Variants in KNDC1 observed in about 807,000 individuals in gnomAD.
KNDC1 encodes kinase non-catalytic C-lobe domain-containing protein 1.
Under a neutral mutation model 172.8 loss-of-function variants are expected in KNDC1, and 106 were observed. The ratio of observed to expected loss-of-function variants is 0.61; its 90% confidence interval spans 0.52 to 0.72. The LOEUF (loss-of-function observed/expected upper bound fraction) is 0.72, where lower values mean the gene tolerates loss of function less well. Among genes scored for constraint, KNDC1 ranks in the 30% least tolerant of loss-of-function variants. The pLI, the probability that KNDC1 is intolerant of heterozygous loss-of-function variation, is 0.00. For missense variants in KNDC1, 2,325 were observed against 2,394.5 expected (o/e 0.97, Z 0.61); for synonymous variants, 1,083 against 1,062.2 (o/e 1.02, Z -0.38).
chr10:133,166,331 G>A (rs931983084), intron 1 of KNDC1, among the ~76,000 whole-genome samples: 5 of 152,210 alleles, frequency 3.3e-5, no homozygotes, highest in South Asian at 2.1e-4. Context: ...TGCCCCGGCC[G>A]GGGAGCAGCA....
rs1231311854 is a variant in KNDC1 at position 133,163,402 on chromosome 10, G to C, written c.102+2833G>C. Among the ~76,000 whole-genome samples the C allele has an allele frequency of 6.6e-6, 1 of 152,112 alleles. No individual in the cohort carries two copies. The highest frequency in any genetic ancestry group is 1.5e-5 in the Non-Finnish European group (1 of 68,026). On this transcript the variant is annotated intron_variant, in intron 1 of 29. Transcript: ENST00000304613. The surrounding 1 kb of genome is among the most constrained non-coding windows in gnomAD (Gnocchi z 4.4). ...CTCCCTGGAGGGGCACACAGCTGGGGGCTCCCAGTAAAGAAGAGGACGTCC... is the reference window on the plus strand; with the variant it reads ...CTCCCTGGAGGGGCACACAGCTGGGCGCTCCCAGTAAAGAAGAGGACGTCC...
rs187169395 is a variant in KNDC1 at position 133,201,846 on chromosome 10, A to G, written c.3335A>G (p.Lys1112Arg). 4 of 1,484,862 alleles carry G rather than the reference A, an allele frequency of 2.7e-6. No homozygotes were observed. The East Asian group carries it at 7.2e-5, about 27-fold the overall frequency. 92.0% of individuals were successfully genotyped at this position (1,484,862 alleles called of 1,614,324 possible). Residue 1112 changes from lysine to arginine, a missense_variant, in exon 17 of 30, where the codon AAG (lysine) becomes AGG (arginine). Transcript: ENST00000304613. ...CFGADVHNYV[K>R]DLGRQQADGA... Reference sequence around the variant, plus strand: ...GGGGCCGACGTCCACAACTACGTGAAGGACCTGGGGCGGCAGCAGGCGGAC... The same window carrying G: ...GGGGCCGACGTCCACAACTACGTGAGGGACCTGGGGCGGCAGCAGGCGGAC...
In KNDC1 at chr10:133,188,535, A is replaced by G; in HGVS notation, c.1327-4A>G. On this transcript the variant is annotated splice_region_variant and splice_polypyrimidine_tract_variant and intron_variant, in intron 6 of 29. Transcript: ENST00000304613. ...CACTGACCTCGCCGCTCTCCTGCCCACAGTGGGTGTCCCTGCAGGACCTCC... is the reference window on the plus strand; with the variant it reads ...CACTGACCTCGCCGCTCTCCTGCCCGCAGTGGGTGTCCCTGCAGGACCTCC... 1 of 1,549,818 alleles carries G rather than the reference A, an allele frequency of 6.5e-7. No individual in the cohort carries two copies. The highest frequency in any genetic ancestry group is 8.7e-7 in the Non-Finnish European group (1 of 1,144,764).
At chr10:133,185,389 A>AGTGTGGAGTAGGCAGTGTGTG (rs1564883528) in intron 5 of KNDC1, among the ~76,000 whole-genome samples, 15 of 45,868 alleles carry the variant, frequency 3.3e-4, no homozygotes, top group Admixed American at 6.6e-4. Flanking sequence ...GGCAGTGTGT[A>AGTGTGGAGTAGGCAGTGTGTG]CAGTGTGGAG....
chr10:133,219,046 C>A lies in KNDC1; in HGVS notation c.4816C>A (p.Pro1606Thr). Residue 1606 changes from proline to threonine, a missense_variant, in exon 28 of 30, where the codon CCT (proline) becomes ACT (threonine). Coordinates refer to ENST00000304613, the MANE Select transcript of KNDC1 (RefSeq NM_152643.8). ...VRQSPAWRIL[P>T]AKIAEVMEEL... ...TTCATTTCAGGCCTGGAGAATTCTGCCTGCAAAGATAGCAGAGGTCATGGA... is the reference window on the plus strand; with the variant it reads ...TTCATTTCAGGCCTGGAGAATTCTGACTGCAAAGATAGCAGAGGTCATGGA... The A allele has an allele frequency of 6.2e-7, 1 of 1,614,030 alleles. No individual in the cohort carries two copies. Among genetic ancestry groups the A allele is most frequent in the Non-Finnish European group, 8.5e-7 (1 of 1,179,988 alleles).
intron 17 of KNDC1, chr10:133,202,614 G>A (rs906465770): frequency 8.8e-5 from 40 of 456,536 alleles, no homozygotes; most frequent in African/African-American, 2.0e-4. Flanking sequence ...CTGAGCCACC[G>A]TGGGAAGCCT....
Position 133,214,014 on chromosome 10 carries a change from A to T in KNDC1, c.4569A>T (p.Leu1523Phe). The T allele has an allele frequency of 6.2e-7, 1 of 1,614,138 alleles. No homozygotes were observed. The highest frequency in any genetic ancestry group is 8.5e-7 in the Non-Finnish European group (1 of 1,179,980). Residue 1523 changes from leucine to phenylalanine, a missense_variant, in exon 26 of 30, where the codon TTA (leucine) becomes TTT (phenylalanine). Coordinates refer to ENST00000304613, the MANE Select transcript of KNDC1 (RefSeq NM_152643.8). The part of the protein sequence containing the change: ...SESLSAKTCS[L>F]FLPNYVQDKY... Reference sequence around the variant, plus strand: ...CTCTTTCGGCCAAAACCTGCAGCTTATTTCTGCCCAATTACGTTCAGGACA... The same window carrying T: ...CTCTTTCGGCCAAAACCTGCAGCTTTTTTCTGCCCAATTACGTTCAGGACA...
In KNDC1 at chr10:133,198,943, G is replaced by T; in HGVS notation, c.2435G>T (p.Arg812Met). Residue 812 changes from arginine to methionine, a missense_variant, in exon 14 of 30, where the codon AGG (arginine) becomes ATG (methionine). Physicochemically the swap from Arg to Met is moderately conservative, Grantham distance 91. Coordinates refer to ENST00000304613, the MANE Select transcript of KNDC1 (RefSeq NM_152643.8). Reference protein sequence around the residue: ...IPPGVASGGLRPDALGPTTAH... With the variant: ...IPPGVASGGLMPDALGPTTAH... ...CCTGGAGTTGCTTCCGGGGGCCTCA[G>T]GCCCGACGCCCTGGGGCCCACCACG... 6.4e-7 allele frequency: 1 copy of T among 1,553,596 alleles called. No homozygotes were observed. Among genetic ancestry groups the T allele is most frequent in the Non-Finnish European group, 8.7e-7 (1 of 1,154,556 alleles).
Position 133,160,486 on chromosome 10 carries a change from G to T in KNDC1, c.19G>T (p.Ala7Ser). 1 of 1,584,714 alleles carries T rather than the reference G, an allele frequency of 6.3e-7. No individual in the cohort carries two copies. The highest frequency in any genetic ancestry group is 8.6e-7 in the Non-Finnish European group (1 of 1,167,524). Reference sequence around the variant, plus strand: ...CCGCAGGATGCAGGCCATGGACCCGGCCGCGGCGGATCTTTACGAGGAGGA... The same window carrying T: ...CCGCAGGATGCAGGCCATGGACCCGTCCGCGGCGGATCTTTACGAGGAGGA... Reference protein sequence around the residue: MQAMDPAAADLYEEDGK... With the variant: MQAMDPSAADLYEEDGK... The change falls in exon 1 of 30, where the codon GCC becomes TCC. Residue 7 changes from alanine to serine, a missense_variant. Ala to Ser is a moderately conservative substitution (Grantham distance 99, BLOSUM62 1). Transcript: ENST00000304613.
intron 3 of KNDC1, among the ~76,000 whole-genome samples, chr10:133,171,009 C>T (rs1853361312): frequency 6.6e-6 from 1 of 152,236 alleles, no homozygotes; most frequent in Admixed American, 6.5e-5. Flanking sequence ...AGTAGTTGCT[C>T]GATTTTAATA....
intron 17 of KNDC1, chr10:133,202,477 G>A (rs1426814657): frequency 5.0e-6 from 2 of 397,124 alleles, no homozygotes; most frequent in Non-Finnish European, 1.0e-5. Flanking sequence ...GACGCAAGGT[G>A]GGACCAGTGA....
chr10:133,206,683 A>G lies in KNDC1; in HGVS notation c.3388-2A>G. The G allele has an allele frequency of 6.2e-7, 1 of 1,613,590 alleles. No homozygotes were observed. The highest frequency in any genetic ancestry group is 8.5e-7 in the Non-Finnish European group (1 of 1,179,806). On this transcript the variant is annotated splice_acceptor_variant, in intron 17 of 29. Transcript: ENST00000304613. LOFTEE classifies it high-confidence loss of function. ...GGCTTAGGCGCTGTGTTTCGTCCCCAGGAGCTGGAACAGCAGCTCATGATG... is the reference window on the plus strand; with the variant it reads ...GGCTTAGGCGCTGTGTTTCGTCCCCGGGAGCTGGAACAGCAGCTCATGATG...
At chr10:133,204,950 C>A (rs986038790) in intron 17 of KNDC1, among the ~76,000 whole-genome samples, 2 of 149,826 alleles carry the variant, frequency 1.3e-5, no homozygotes, top group Non-Finnish European at 3.0e-5. Flanking sequence ...TGAAGACCTG[C>A]TGCTCAAGGC....
chr10:133,199,617 C>A lies in KNDC1; in HGVS notation c.2903+15C>A, dbSNP rs374065707. On this transcript the variant is annotated intron_variant, in intron 15 of 29. Coordinates refer to ENST00000304613, the MANE Select transcript of KNDC1 (RefSeq NM_152643.8). ...CCCTCCCCAAGGTGGGTGCCCAGTTCGGCCCTGCATTCCCGCCCCTCCCTG... is the reference window on the plus strand; with the variant it reads ...CCCTCCCCAAGGTGGGTGCCCAGTTAGGCCCTGCATTCCCGCCCCTCCCTG... The A allele has an allele frequency of 3.7e-6, 6 of 1,611,670 alleles. No individual in the cohort carries two copies. The highest frequency in any genetic ancestry group is 1.8e-4 in the Middle Eastern group (1 of 5,558).
Position 133,195,725 on chromosome 10 carries a change from C to T in KNDC1, c.1638C>T (p.Asn546=), listed in dbSNP as rs778307021. 1.2e-6 allele frequency: 2 copies of T among 1,612,650 alleles called. No homozygotes were observed. Among genetic ancestry groups the T allele is most frequent in the Non-Finnish European group, 1.7e-6 (2 of 1,179,716 alleles). Residue 546 remains asparagine (N), a synonymous_variant, in exon 10 of 30, where the codon AAC becomes AAT. Transcript: ENST00000304613. ...CAGCCAAGTTCAGCGTCCCCCGCAA[C>T]CACAAGCTGGCCCTGCCACGCAGGC... The part of the protein sequence containing the change: ...WTAAKFSVPR[N]HKLALPRRLK...
At chr10:133,168,786 A>G (rs1853272040) in intron 3 of KNDC1, among the ~76,000 whole-genome samples, 1 of 152,172 alleles carries the variant, frequency 6.6e-6, no homozygotes, top group African/African-American at 2.4e-5. Context: ...GCTCCTGGGT[A>G]TGGGCGTGGG....
intron 5 of KNDC1, among the ~76,000 whole-genome samples, chr10:133,185,366 A>AGTGTGGAGTAGGCAGTGTGTG (rs1239979312): frequency 1.8e-5 from 1 of 56,442 alleles, no homozygotes; most frequent in African/African-American, 7.3e-5. Context: ...GGCAGTGTGT[A>AGTGTGGAGTAGGCAGTGTGTG]CAGTGTGGAG....
intron 29 of KNDC1, among the ~76,000 whole-genome samples, chr10:133,221,314 C>G (rs1845583787): frequency 6.6e-6 from 1 of 152,144 alleles, no homozygotes; most frequent in African/African-American, 2.4e-5. Flanking sequence ...TGCACACCAC[C>G]TGGGAGGCGC....
At chr10:133,222,113 C>T (rs1294579854) in intron 29 of KNDC1, among the ~76,000 whole-genome samples, 1 of 150,500 alleles carries the variant, frequency 6.6e-6, no homozygotes, top group African/African-American at 2.4e-5. Flanking sequence ...GAAACCCCAT[C>T]TCTACTAAAA....
Sources: gnomAD v4.1 joint callset for allele counts (sites outside exome capture counted in the v4.1 genomes callset) on GRCh38, gnomAD v4.1.1 for gene constraint, Gnocchi (gnomAD v3.1) non-coding constraint, MANE v1.5 for transcripts, NCBI Gene and HGNC (gene_info 2026-07-23, HGNC 2026-07-21) for gene names.